Variants in FRAT1 observed in about 807,000 individuals in gnomAD.
FRAT1 encodes the protein proto-oncogene FRAT1.
In FRAT1, 9 loss-of-function variants were observed where a neutral mutation model predicts 16.9. The ratio of observed to expected loss-of-function variants is 0.53; its 90% confidence interval spans 0.32 to 0.93. The LOEUF is 0.93. FRAT1 is among the 40% of genes least tolerant of loss of function. The probability of loss-of-function intolerance (pLI) is 0.04; values close to 1 mark genes in which losing one functional copy is unlikely to be tolerated. For synonymous variants in FRAT1, 191 were observed against 202.1 expected, an observed-to-expected ratio of 0.95 and a Z score of 0.46; for missense variants, 354 against 402.8, an observed-to-expected ratio of 0.88 and a Z score of 1.04.
At position 97,320,031 on chromosome 10, in the gene FRAT1, G is replaced by A. The variant is rs868228044; in HGVS notation, c.578G>A (p.Arg193His). ...QQRRGSQPET[R>H]TGDDDPHRLL... ...CGACGCGGGTCCCAACCAGAAACCC[G>A]CACAGGCGACGACGACCCGCACCGG... The change falls in exon 1 of 1, where the codon CGC becomes CAC. Residue 193 changes from arginine to histidine, a missense_variant. Around this residue, in one of 3 missense-constraint regions of FRAT1, gnomAD observed 286 missense variants for 311.0 expected, o/e 0.92. Transcript: ENST00000371021. 3.8e-6 allele frequency: 6 copies of A among 1,568,368 alleles called. No homozygotes were observed. The African/African-American group carries it at 8.2e-5, about 21-fold the overall frequency.
At position 97,320,880 on chromosome 10, in the gene FRAT1, C is replaced by G. The variant is rs1250650262; in HGVS notation, c.*587C>G. ...CTTTGGGGGTTGAATAGGAGTTAACCCCTGCGCTCTCTTTGCAACTGTCTC... is the reference window on the plus strand; with the variant it reads ...CTTTGGGGGTTGAATAGGAGTTAACGCCTGCGCTCTCTTTGCAACTGTCTC... On this transcript the variant is annotated 3_prime_UTR_variant, in exon 1 of 1. Transcript: ENST00000371021. 6.0e-6 allele frequency: 1 copy of G among 166,984 alleles called. No homozygotes were observed. The highest frequency in any genetic ancestry group is 2.4e-5 in the African/African-American group (1 of 41,354). The allele number at this position is 166,984 out of a possible 1,614,324, so 10.3% of individuals were successfully genotyped here.
At position 97,319,837 on chromosome 10, in the gene FRAT1, C is replaced by A; in HGVS notation, c.384C>A (p.Tyr128Ter). The change falls in exon 1 of 1, where the codon TAC becomes TAA. Residue 128 changes from tyrosine (Y) to a stop codon, truncating the protein, a stop_gained. Transcript: ENST00000371021. LOFTEE classifies it high-confidence loss of function. ...GCGTGCGGGGCCGCGCTGCGCCCTA[C>A]TGCGTGGCCGAGCTCGCCACAGGCC... ...RGRVRGRAAP[Y>*]CVAELATGPS... is the part of the protein sequence containing the mutation. 1 of 1,474,120 alleles carries A rather than the reference C, an allele frequency of 6.8e-7. No individual in the cohort carries two copies. Among genetic ancestry groups the A allele is most frequent in the Non-Finnish European group, 8.9e-7 (1 of 1,122,738 alleles). 91.3% of individuals were successfully genotyped at this position (1,474,120 alleles called of 1,614,324 possible).
rs1261749186 is a variant in FRAT1 at position 97,319,503 on chromosome 10, G to A, written c.50G>A (p.Gly17Glu). Residue 17 changes from glycine (G) to glutamate (E), a missense_variant, in exon 1 of 1, where the codon GGG becomes GAG. Gly to Glu is a moderately conservative substitution (Grantham distance 98). Transcript: ENST00000371021. ...EEEEAGEEAE[G>E]EEEEEDSFLL... The stretch of plus-strand genomic sequence containing the variant: ...GAGGAAGCCGGCGAGGAGGCGGAGG[G>A]GGAGGAAGAGGAGGAGGACAGCTTC... 8.1e-6 allele frequency: 12 copies of A among 1,476,768 alleles called. No homozygotes were observed. Among genetic ancestry groups the A allele is most frequent in the African/African-American group, 1.5e-5 (1 of 68,594 alleles). The allele number at this position is 1,476,768 out of a possible 1,614,324, so 91.5% of individuals were successfully genotyped here.
In FRAT1 at chr10:97,321,191, C is replaced by T. The variant is rs1313054046; in HGVS notation, c.*898C>T. On this transcript the variant is annotated 3_prime_UTR_variant, in exon 1 of 1. Transcript: ENST00000371021. ...CTGAGGACACGCGCGTCGCCGCCAC[C>T]GCGGGTGTGGGAAAGCGCGGACGTG... 1.8e-5 allele frequency: 3 copies of T among 166,436 alleles called. No homozygotes were observed. The highest frequency in any genetic ancestry group is 4.8e-5 in the African/African-American group (2 of 41,462). 10.3% of individuals were successfully genotyped at this position (166,436 alleles called of 1,614,324 possible). A position where few individuals can be genotyped will look rare whatever the true frequency, so the allele number is the denominator to read the frequency against.
Position 97,319,948 on chromosome 10 carries a change from G to C in FRAT1, c.495G>C (p.Ser165=). ...AGKQGIPQPL[S]GPCRRGWLRG... is the part of the protein sequence containing the mutation. ...AGCAGGGCATCCCGCAGCCGCTGTC[G>C]GGTCCGTGCCGGCGAGGATGGCTCC... The change falls in exon 1 of 1, where the codon TCG becomes TCC. Residue 165 remains serine (S), a synonymous_variant. Coordinates refer to ENST00000371021, the MANE Select transcript of FRAT1 (RefSeq NM_005479.4). 6.5e-7 allele frequency: 1 copy of C among 1,537,622 alleles called. No individual in the cohort carries two copies. The highest frequency in any genetic ancestry group is 1.2e-5 in the South Asian group (1 of 83,934).
Position 97,320,138 on chromosome 10 carries a change from G to C in FRAT1, c.685G>C (p.Ala229Pro). 6.2e-7 allele frequency: 1 copy of C among 1,612,538 alleles called. No homozygotes were observed. Among genetic ancestry groups the C allele is most frequent in the African/African-American group, 1.3e-5 (1 of 74,998 alleles). The change falls in exon 1 of 1, where the codon GCA becomes CCA. Residue 229 changes from alanine (A) to proline (P), a missense_variant. Coordinates refer to ENST00000371021, the MANE Select transcript of FRAT1 (RefSeq NM_005479.4). ...RLHSRRLQLR[A>P]KLPQRPLLGP... ...TCATTCGCGACGGCTGCAGTTACGTGCAAAGCTTCCCCAACGCCCGCTCCT... is the reference window on the plus strand; with the variant it reads ...TCATTCGCGACGGCTGCAGTTACGTCCAAAGCTTCCCCAACGCCCGCTCCT...
At position 97,319,274 on chromosome 10, in the gene FRAT1, C is replaced by T. The variant is rs1339114978; in HGVS notation, c.-180C>T. On this transcript the variant is annotated 5_prime_UTR_variant, in exon 1 of 1. Transcript: ENST00000371021. ...TCAACCCGAGCCGGCAGGATTCCGG[C>T]TCCCGCGGCTGCAGGCGCGCGGCTA... 8 of 744,150 alleles carry T rather than the reference C, an allele frequency of 1.1e-5. No homozygotes were observed. The highest frequency in any genetic ancestry group is 3.7e-5 in the East Asian group (1 of 27,328). 46.1% of individuals were successfully genotyped at this position (744,150 alleles called of 1,614,324 possible).
rs1843435766 is a variant in FRAT1, at chr10:97,319,370, C to G, written c.-84C>G. On this transcript the variant is annotated 5_prime_UTR_variant, in exon 1 of 1. Coordinates refer to ENST00000371021, the MANE Select transcript of FRAT1 (RefSeq NM_005479.4). ...CCAGACTTAGTCTTCAGCTCCGCGC[C>G]CGCTCCGCCGCGGCCCACCGCGCCC... 2.4e-6 allele frequency: 3 copies of G among 1,269,014 alleles called. No homozygotes were observed. In the African/African-American group the frequency reaches 4.7e-5, roughly 20 times the overall value. 78.6% of individuals were successfully genotyped at this position (1,269,014 alleles called of 1,614,324 possible).
Position 97,320,031 on chromosome 10 carries a change from G to T in FRAT1, c.578G>T (p.Arg193Leu). ...CGACGCGGGTCCCAACCAGAAACCC[G>T]CACAGGCGACGACGACCCGCACCGG... Reference protein sequence around the residue: ...QQRRGSQPETRTGDDDPHRLL... With the variant: ...QQRRGSQPETLTGDDDPHRLL... Residue 193 changes from arginine (R) to leucine (L), a missense_variant, in exon 1 of 1, where the codon CGC becomes CTC. Around this residue, in one of 3 missense-constraint regions of FRAT1, gnomAD observed 286 missense variants for 311.0 expected, o/e 0.92. Coordinates refer to ENST00000371021, the MANE Select transcript of FRAT1 (RefSeq NM_005479.4). 2 of 1,568,482 alleles carry T rather than the reference G, an allele frequency of 1.3e-6. No individual in the cohort carries two copies. The highest frequency in any genetic ancestry group is 8.6e-7 in the Non-Finnish European group (1 of 1,157,316).
chr10:97,320,040 A>G lies in FRAT1; in HGVS notation c.587A>G (p.Asp196Gly). ...RGSQPETRTG[D>G]DDPHRLLQQL... Reference sequence around the variant, plus strand: ...TCCCAACCAGAAACCCGCACAGGCGACGACGACCCGCACCGGCTTCTGCAG... The same window carrying G: ...TCCCAACCAGAAACCCGCACAGGCGGCGACGACCCGCACCGGCTTCTGCAG... Residue 196 changes from aspartate (D) to glycine (G), a missense_variant, in exon 1 of 1, where the codon GAC becomes GGC. Physicochemically the swap from Asp to Gly is moderately conservative, Grantham distance 94. Transcript: ENST00000371021. The G allele has an allele frequency of 1.3e-6, 2 of 1,576,228 alleles. No individual in the cohort carries two copies. The highest frequency in any genetic ancestry group is 1.7e-6 in the Non-Finnish European group (2 of 1,161,478).
Position 97,320,049 on chromosome 10 carries a change from C to A in FRAT1, c.596C>A (p.Pro199Gln). The A allele has an allele frequency of 6.3e-7, 1 of 1,583,206 alleles. No homozygotes were observed. Among genetic ancestry groups the A allele is most frequent in the African/African-American group, 1.4e-5 (1 of 73,968 alleles). ...GAAACCCGCACAGGCGACGACGACC[C>A]GCACCGGCTTCTGCAGCAGCTAGTG... ...QPETRTGDDD[P>Q]HRLLQQLVLS... The change falls in exon 1 of 1, where the codon CCG (proline) becomes CAG (glutamine). Residue 199 changes from proline (P) to glutamine (Q), a missense_variant. Pro to Gln is a moderately conservative substitution (Grantham distance 76). Coordinates refer to ENST00000371021, the MANE Select transcript of FRAT1 (RefSeq NM_005479.4).
chr10:97,319,434 G>C lies in FRAT1; in HGVS notation c.-20G>C, dbSNP rs776124565. 4 of 1,390,076 alleles carry C rather than the reference G, an allele frequency of 2.9e-6. No individual in the cohort carries two copies. Among genetic ancestry groups the C allele is most frequent in the Middle Eastern group, 2.0e-4 (1 of 4,914 alleles). The allele number at this position is 1,390,076 out of a possible 1,614,324, so 86.1% of individuals were successfully genotyped here. A position where few individuals can be genotyped will look rare whatever the true frequency, so the allele number is the denominator to read the frequency against. On this transcript the variant is annotated 5_prime_UTR_variant, in exon 1 of 1. Transcript: ENST00000371021. ...CCCCCAGCGACGCCCGCACAGCTCC[G>C]GGTGCCCAGACAGGGGGCCATGCCG...
rs1332403363 is a variant in FRAT1, at chr10:97,320,105, C to G, written c.652C>G (p.Arg218Gly). The change falls in exon 1 of 1, where the codon CGA (arginine) becomes GGA (glycine). Residue 218 changes from arginine (R) to glycine (G), a missense_variant. Physicochemically the swap from Arg to Gly is moderately radical, Grantham distance 125. This residue lies in a region of FRAT1 where 286 missense variants were observed against 311.0 expected (regional missense o/e 0.92). Transcript: ENST00000371021. ...TGGAAACCTCATCAAGGAGGCCGTG[C>G]GAAGGCTTCATTCGCGACGGCTGCA... ...LSGNLIKEAVRRLHSRRLQLR... is the reference protein window; with the variant it reads ...LSGNLIKEAVGRLHSRRLQLR... The G allele has an allele frequency of 6.2e-7, 1 of 1,607,204 alleles. No homozygotes were observed. The highest frequency in any genetic ancestry group is 8.5e-7 in the Non-Finnish European group (1 of 1,177,242).
Position 97,320,785 on chromosome 10 carries a change from A to T in FRAT1, c.*492A>T, listed in dbSNP as rs2134963838. On this transcript the variant is annotated 3_prime_UTR_variant, in exon 1 of 1. Transcript: ENST00000371021. Reference sequence around the variant, plus strand: ...TTCAGGGTGCAGCCCAATCTGCCAGACTTAAAAAAACCATCTTGTGTCTTT... The same window carrying T: ...TTCAGGGTGCAGCCCAATCTGCCAGTCTTAAAAAAACCATCTTGTGTCTTT... The T allele has an allele frequency of 5.8e-6, 1 of 171,102 alleles. No homozygotes were observed. Among genetic ancestry groups the T allele is most frequent in the East Asian group, 1.9e-4 (1 of 5,310 alleles). 10.6% of individuals were successfully genotyped at this position (171,102 alleles called of 1,614,324 possible). A position where few individuals can be genotyped will look rare whatever the true frequency, so the allele number is the denominator to read the frequency against.
chr10:97,319,921 C>G lies in FRAT1; in HGVS notation c.468C>G (p.Gly156=). 1 of 1,532,692 alleles carries G rather than the reference C, an allele frequency of 6.5e-7. No individual in the cohort carries two copies. Among genetic ancestry groups the G allele is most frequent in the Non-Finnish European group, 8.7e-7 (1 of 1,145,176 alleles). 94.9% of individuals were successfully genotyped at this position (1,532,692 alleles called of 1,614,324 possible). A position where few individuals can be genotyped will look rare whatever the true frequency, so the allele number is the denominator to read the frequency against. ...ACCTTGATGGGCCTCCGGGAGCTGG[C>G]AAGCAGGGCATCCCGCAGCCGCTGT... is the stretch of plus-strand genomic sequence containing the variant. ...QADLDGPPGA[G]KQGIPQPLSG... Residue 156 remains glycine, a synonymous_variant, in exon 1 of 1, where the codon GGC becomes GGG. Coordinates refer to ENST00000371021, the MANE Select transcript of FRAT1 (RefSeq NM_005479.4).
chr10:97,320,616 C>T lies in FRAT1; in HGVS notation c.*323C>T, dbSNP rs1217519986. 3 of 321,576 alleles carry T rather than the reference C, an allele frequency of 9.3e-6. No homozygotes were observed. The East Asian group carries it at 1.8e-4, about 19-fold the overall frequency. The allele number at this position is 321,576 out of a possible 1,614,324, so 19.9% of individuals were successfully genotyped here. A position where few individuals can be genotyped will look rare whatever the true frequency, so the allele number is the denominator to read the frequency against. On this transcript the variant is annotated 3_prime_UTR_variant, in exon 1 of 1. Coordinates refer to ENST00000371021, the MANE Select transcript of FRAT1 (RefSeq NM_005479.4). ...TTCCTCGCAGCCTCTCAGTGCCCTC[C>T]AGCCCCGCGACCATGTGGCCACAAT... is the stretch of plus-strand genomic sequence containing the variant.
chr10:97,319,284 T>G lies in FRAT1; in HGVS notation c.-170T>G. The G allele has an allele frequency of 8.2e-6, 7 of 857,324 alleles. No individual in the cohort carries two copies. Among genetic ancestry groups the G allele is most frequent in the Non-Finnish European group, 9.2e-6 (6 of 649,216 alleles). 53.1% of individuals were successfully genotyped at this position (857,324 alleles called of 1,614,324 possible). A position where few individuals can be genotyped will look rare whatever the true frequency, so the allele number is the denominator to read the frequency against. ...CCGGCAGGATTCCGGCTCCCGCGGC[T>G]GCAGGCGCGCGGCTAGAGTGCCTGG... is the stretch of plus-strand genomic sequence containing the variant. On this transcript the variant is annotated 5_prime_UTR_variant, in exon 1 of 1. Transcript: ENST00000371021.
In FRAT1 at chr10:97,320,583, G is replaced by T. The variant is rs1379655693; in HGVS notation, c.*290G>T. 2 of 390,218 alleles carry T rather than the reference G, an allele frequency of 5.1e-6. No individual in the cohort carries two copies. The highest frequency in any genetic ancestry group is 4.2e-5 in the African/African-American group (2 of 47,506). 24.2% of individuals were successfully genotyped at this position (390,218 alleles called of 1,614,324 possible). A position where few individuals can be genotyped will look rare whatever the true frequency, so the allele number is the denominator to read the frequency against. On this transcript the variant is annotated 3_prime_UTR_variant, in exon 1 of 1. Coordinates refer to ENST00000371021, the MANE Select transcript of FRAT1 (RefSeq NM_005479.4). ...TGGCGTGACCCGACCTGGCCGCGGA[G>T]CCTGCATTTCCTCGCAGCCTCTCAG...
rs1435075722 is a variant in FRAT1 at position 97,320,173 on chromosome 10, G to T, written c.720G>T (p.Leu240=). The change falls in exon 1 of 1, where the codon CTG becomes CTT. Residue 240 remains leucine (L), a synonymous_variant. Transcript: ENST00000371021. The part of the protein sequence containing the change: ...KLPQRPLLGP[L]SAPVHEPPSP... Reference sequence around the variant, plus strand: ...CCCAACGCCCGCTCCTGGGACCTCTGTCGGCCCCGGTGCATGAACCCCCTT... The same window carrying T: ...CCCAACGCCCGCTCCTGGGACCTCTTTCGGCCCCGGTGCATGAACCCCCTT... The T allele has an allele frequency of 6.2e-7, 1 of 1,612,570 alleles. No individual in the cohort carries two copies. The highest frequency in any genetic ancestry group is 8.5e-7 in the Non-Finnish European group (1 of 1,179,530).
Sources: gnomAD v4.1 joint callset for allele counts on GRCh38, gnomAD v4.1.1 for gene constraint, gnomAD v4.1.1 regional missense constraint, MANE v1.5 for transcripts, NCBI Gene and HGNC (gene_info 2026-07-23, HGNC 2026-07-21) for gene names.